Variants in RSBN1L observed in about 807,000 individuals in gnomAD.
RSBN1L encodes the protein round spermatid basic protein 1 like.
A neutral mutation model predicts 67.7 loss-of-function variants in RSBN1L; 30 were observed. The observed-to-expected ratio is 0.44, with a 90% CI of 0.33 to 0.60. The LOEUF is 0.60. Ranked by LOEUF, RSBN1L falls within the 20% of genes least tolerant of loss-of-function variation. RSBN1L has a pLI of 0.02. For synonymous variants in RSBN1L, 433 were observed against 387.0 expected, an observed-to-expected ratio of 1.12 and a Z score of -1.39; for missense variants, 992 against 1,031.7, an observed-to-expected ratio of 0.96 and a Z score of 0.53.
chr7:77,744,706 C>G (rs1299222552), intron 2 of RSBN1L, among the ~76,000 whole-genome samples: 1 of 152,108 alleles, frequency 6.6e-6, no homozygotes, highest in Non-Finnish European at 1.5e-5. Context: ...GTGTGAGCCA[C>G]TGCGCCTGGC....
At chr7:77,778,130 G>A (rs2150435663) in intron 6 of RSBN1L, among the ~76,000 whole-genome samples, 1 of 152,254 alleles carries the variant, frequency 6.6e-6, no homozygotes, top group East Asian at 1.9e-4. Flanking sequence ...TAAAAACGAA[G>A]TCAGTTTTTA....
rs188957022 is a variant in RSBN1L at position 77,778,896 on chromosome 7, A to T, written c.2269A>T (p.Ile757Phe). The T allele has an allele frequency of 1.2e-6, 2 of 1,613,996 alleles. No homozygotes were observed. The highest frequency in any genetic ancestry group is 1.1e-5 in the South Asian group (1 of 91,076). Reference protein sequence around the residue: ...YELQQIKHEPIASVRIKEEPV... With the variant: ...YELQQIKHEPFASVRIKEEPV... ...ATTACAGCAGATTAAACATGAACCT[A>T]TTGCATCTGTAAGAATCAAGGAAGA... Residue 757 changes from isoleucine to phenylalanine, a missense_variant, in exon 8 of 8, where the codon ATT (isoleucine) becomes TTT (phenylalanine). Around this residue, in one of 7 missense-constraint regions of RSBN1L, gnomAD observed 199 missense variants for 167.7 expected, o/e 1.19. Coordinates refer to ENST00000334955, the MANE Select transcript of RSBN1L (RefSeq NM_198467.3).
intron 1 of RSBN1L, among the ~76,000 whole-genome samples, chr7:77,707,680 A>G (rs1269708839): frequency 6.6e-6 from 1 of 152,212 alleles, no homozygotes; most frequent in African/African-American, 2.4e-5. Context: ...CTCATTTGAT[A>G]ATAATGAAAG....
intron 1 of RSBN1L, among the ~76,000 whole-genome samples, chr7:77,735,183 T>G (rs1209349343): frequency 6.6e-6 from 1 of 152,194 alleles, no homozygotes; most frequent in Non-Finnish European, 1.5e-5. Flanking sequence ...GAAAATTTAT[T>G]TAAGTAGTCT....
chr7:77,722,060 AAG>A (rs1165923297), intron 1 of RSBN1L, among the ~76,000 whole-genome samples: 1 of 152,220 alleles, frequency 6.6e-6, no homozygotes, highest in Non-Finnish European at 1.5e-5. Context: ...AAATTGAAGA[AAG>A]AAGTATTATT....
chr7:77,768,007 T>C (rs986031788), intron 4 of RSBN1L, among the ~76,000 whole-genome samples: 4 of 150,596 alleles, frequency 2.7e-5, no homozygotes, highest in African/African-American at 4.9e-5. Context: ...CGCGCCACCA[T>C]GCCCAGCTAA....
intron 5 of RSBN1L, among the ~76,000 whole-genome samples, chr7:77,770,033 C>T (rs964084813): frequency 4.6e-5 from 7 of 152,098 alleles, no homozygotes; most frequent in Non-Finnish European, 8.8e-5. Flanking sequence ...GTCTGAATGC[C>T]TGTCAGTAGG....
chr7:77,734,956 C>T (rs1017361686), intron 1 of RSBN1L, among the ~76,000 whole-genome samples: 2 of 151,630 alleles, frequency 1.3e-5, no homozygotes, highest in African/African-American at 4.8e-5. Flanking sequence ...TTATTCTCCC[C>T]TGTATCCCTA....
At chr7:77,748,132 T>C (rs555083764) in intron 2 of RSBN1L, among the ~76,000 whole-genome samples, 20 of 152,198 alleles carry the variant, frequency 1.3e-4, no homozygotes, top group African/African-American at 3.4e-4. Flanking sequence ...TAGGTAGACA[T>C]TGAGAGCTCT....
chr7:77,741,868 T>G (rs1405401588), intron 2 of RSBN1L, among the ~76,000 whole-genome samples: 1 of 152,046 alleles, frequency 6.6e-6, no homozygotes, highest in South Asian at 2.1e-4. Flanking sequence ...AGAGATTACA[T>G]AAAGCTCTTA....
Position 77,736,497 on chromosome 7 carries a change from A to G in RSBN1L, c.674A>G (p.Glu225Gly), listed in dbSNP as rs1279814438. ...AAAGTAATGAATGAGATCAAGAAAG[A>G]GAATGGAGAAGTAAAGATTTTGCTG... ...KHKVMNEIKKENGEVKILLKS... is the reference protein window; with the variant it reads ...KHKVMNEIKKGNGEVKILLKS... The change falls in exon 2 of 8, where the codon GAG (glutamate) becomes GGG (glycine). Residue 225 changes from glutamate (E) to glycine (G), a missense_variant. By Grantham distance (98) the Glu-to-Gly change is moderately conservative. Coordinates refer to ENST00000334955, the MANE Select transcript of RSBN1L (RefSeq NM_198467.3). 2 of 1,304,318 alleles carry G rather than the reference A, an allele frequency of 1.5e-6. No homozygotes were observed. The highest frequency in any genetic ancestry group is 1.0e-6 in the Non-Finnish European group (1 of 953,870). The allele number at this position is 1,304,318 out of a possible 1,614,324, so 80.8% of individuals were successfully genotyped here. A position where few individuals can be genotyped will look rare whatever the true frequency, so the allele number is the denominator to read the frequency against.
intron 1 of RSBN1L, among the ~76,000 whole-genome samples, chr7:77,729,066 G>A (rs750020728): frequency 1.3e-5 from 2 of 152,134 alleles, no homozygotes; most frequent in Non-Finnish European, 2.9e-5. Flanking sequence ...TGGCTGTTGA[G>A]AAGTCAGTAG....
chr7:77,769,611 G>A (rs1044177843), intron 5 of RSBN1L, among the ~76,000 whole-genome samples: 3 of 152,152 alleles, frequency 2.0e-5, no homozygotes, highest in Non-Finnish European at 2.9e-5. Context: ...GGGGGGAAGC[G>A]ACATCAACAA....
intron 1 of RSBN1L, among the ~76,000 whole-genome samples, chr7:77,719,229 G>A (rs1234842547): frequency 6.6e-6 from 1 of 152,198 alleles, no homozygotes; most frequent in Non-Finnish European, 1.5e-5. Flanking sequence ...TAAAGCATCT[G>A]TAGGTGTGTA....
In RSBN1L at chr7:77,779,505, A is replaced by G. The variant is rs1175297749; in HGVS notation, c.*337A>G. ...TAATATGAGCCAGAATTCTTTTTCA[A>G]CAATTTAAAGCTTTTCCATAGAGCT... On this transcript the variant is annotated 3_prime_UTR_variant, in exon 8 of 8. Transcript: ENST00000334955. The G allele has an allele frequency of 6.7e-6, 1 of 149,906 alleles. No individual in the cohort carries two copies. The highest frequency in any genetic ancestry group is 1.5e-5 in the Non-Finnish European group (1 of 67,584). 9.3% of individuals were successfully genotyped at this position (149,906 alleles called of 1,614,324 possible). A position where few individuals can be genotyped will look rare whatever the true frequency, so the allele number is the denominator to read the frequency against.
intron 2 of RSBN1L, among the ~76,000 whole-genome samples, chr7:77,748,129 A>G (rs866671191): frequency 3.3e-5 from 5 of 152,216 alleles, no homozygotes; most frequent in South Asian, 2.1e-4. Context: ...TTATAGGTAG[A>G]CATTGAGAGC....
chr7:77,717,815 C>T (rs1369372032), intron 1 of RSBN1L, among the ~76,000 whole-genome samples: 6 of 152,072 alleles, frequency 3.9e-5, no homozygotes, highest in Non-Finnish European at 1.5e-5. Context: ...GTCAGGAGTT[C>T]AAGACCAGCC....
intron 1 of RSBN1L, among the ~76,000 whole-genome samples, chr7:77,718,360 G>A (rs1283920698): frequency 6.6e-6 from 1 of 152,118 alleles, no homozygotes; most frequent in Admixed American, 6.5e-5. Context: ...GGTAGGCACT[G>A]GTGCAATCAC....
intron 2 of RSBN1L, among the ~76,000 whole-genome samples, chr7:77,738,614 T>C (rs545988366): frequency 1.2e-4 from 18 of 152,280 alleles, no homozygotes; most frequent in Admixed American, 4.6e-4. Context: ...ATGAAATCTT[T>C]CTTGTAAGTA....
Sources: allele counts gnomAD v4.1 joint callset (sites outside exome capture counted in the v4.1 genomes callset), GRCh38; gene constraint gnomAD v4.1.1; regional missense constraint gnomAD v4.1.1; transcripts MANE v1.5; gene names NCBI Gene and HGNC (gene_info 2026-07-23, HGNC 2026-07-21).